CPSF2: variants seen among roughly 807,000 people sequenced by gnomAD.
The protein encoded by CPSF2 is cleavage and polyadenylation specific factor 2, also known as cleavage and polyadenylation specificity factor subunit 2.
In CPSF2, 51 loss-of-function variants were observed where a neutral mutation model predicts 84.2. The ratio of observed to expected loss-of-function variants is 0.61; its 90% CI spans 0.48 to 0.77. CPSF2 has a LOEUF of 0.77. CPSF2 is among the 30% of genes least tolerant of loss of function. The pLI is 0.00. For missense variants in CPSF2, 641 were observed against 929.4 expected (o/e 0.69, Z 4.03); for synonymous variants, 286 against 311.9 (o/e 0.92, Z 0.87).
At position 92,141,948 on chromosome 14, in the gene CPSF2, T is replaced by C. The variant is rs1311327468; in HGVS notation, c.662-216T>C. Among the ~76,000 whole-genome samples the C allele has an allele frequency of 5.3e-5, 8 of 152,130 alleles. 1 individual carries two copies. The highest frequency in any genetic ancestry group is 1.9e-4 in the African/African-American group (8 of 41,398). On this transcript the variant is annotated intron_variant, in intron 7 of 15. Transcript: ENST00000298875. ...TTATAATTTTTTAATGAAGAAAGAT[T>C]GAGAGTTAATGACACTGAATATATG... is the stretch of plus-strand genomic sequence containing the variant.
Position 92,121,969 on chromosome 14 carries a change from G to A in CPSF2, c.-253G>A, listed in dbSNP as rs1325959022. The A allele has an allele frequency of 2.6e-5, 21 of 807,488 alleles. No homozygotes were observed. In the East Asian group the frequency reaches 5.1e-4, roughly 19 times the overall value. The allele number at this position is 807,488 out of a possible 1,614,324, so 50.0% of individuals were successfully genotyped here. A position where few individuals can be genotyped will look rare whatever the true frequency, so the allele number is the denominator to read the frequency against. On this transcript the variant is annotated 5_prime_UTR_variant, in exon 1 of 16. Transcript: ENST00000298875. ...GCCCTGGTTCCTCCTCGTCTCCGCCGCTAGTCTCCAGCTCCAAAATGGCGG... is the reference window on the plus strand; with the variant it reads ...GCCCTGGTTCCTCCTCGTCTCCGCCACTAGTCTCCAGCTCCAAAATGGCGG...
At chr14:92,138,067 A>T (rs968837315) in intron 6 of CPSF2, among the ~76,000 whole-genome samples, 165 bp from the exon 7 acceptor site, 1 of 152,208 alleles carries the variant, frequency 6.6e-6, no homozygotes, top group Non-Finnish European at 1.5e-5. Context: ...TTTCTTCTTT[A>T]TACTTTTTTG....
chr14:92,159,291 A>G lies in CPSF2; in HGVS notation c.2121+9A>G, dbSNP rs2069336596. On this transcript the variant is annotated intron_variant, in intron 14 of 15. Coordinates refer to ENST00000298875, the MANE Select transcript of CPSF2 (RefSeq NM_017437.3). The stretch of plus-strand genomic sequence containing the variant: ...CCTTGCCACCTCATGAGGTAAAAAA[A>G]GCATGTGCTTTTTTGATTTCTTCCT... 6.4e-7 allele frequency: 1 copy of G among 1,560,402 alleles called. No homozygotes were observed. Among genetic ancestry groups the G allele is most frequent in the East Asian group, 2.3e-5 (1 of 44,252 alleles).
chr14:92,145,637 A>C (rs2141469182), intron 9 of CPSF2, among the ~76,000 whole-genome samples: 1 of 152,338 alleles, frequency 6.6e-6, no homozygotes, highest in East Asian at 1.9e-4. Context: ...AAGAACTAAG[A>C]AATACTTGAA....
chr14:92,148,495 TG>T (rs1298048224), intron 9 of CPSF2, among the ~76,000 whole-genome samples: 1 of 152,194 alleles, frequency 6.6e-6, no homozygotes, highest in Admixed American at 6.6e-5. Flanking sequence ...ATGACCACAA[TG>T]TCCTTTATAA....
At chr14:92,147,238 G>A (rs1366399456) in intron 9 of CPSF2, among the ~76,000 whole-genome samples, 1 of 152,132 alleles carries the variant, frequency 6.6e-6, no homozygotes, top group Non-Finnish European at 1.5e-5. Flanking sequence ...GAATAAACTA[G>A]ATTTCTGATT....
Position 92,157,993 on chromosome 14 carries a change from C to T in CPSF2, c.1821+109C>T. ...TGTGTGAGACAGACATGGATGGTCT[C>T]CTGCCCTAGCAGACCTCATAGGGTA... On this transcript the variant is annotated intron_variant, in intron 13 of 15. Transcript: ENST00000298875. This position sits in a 1 kb window ranked among gnomAD's most constrained non-coding sequence, Gnocchi z 4.0. The T allele has an allele frequency of 5.4e-6, 4 of 744,268 alleles. No individual in the cohort carries two copies. Among genetic ancestry groups the T allele is most frequent in the East Asian group, 2.6e-5 (1 of 38,192 alleles). The allele number at this position is 744,268 out of a possible 1,614,324, so 46.1% of individuals were successfully genotyped here. A position where few individuals can be genotyped will look rare whatever the true frequency, so the allele number is the denominator to read the frequency against.
At chr14:92,132,134 T>C (rs535925348) in intron 3 of CPSF2, among the ~76,000 whole-genome samples, 1 of 152,122 alleles carries the variant, frequency 6.6e-6, no homozygotes, top group Non-Finnish European at 1.5e-5. Context: ...TTCTTCTCTT[T>C]TATTATTATT....
At chr14:92,126,332 C>T (rs1347038947) in intron 2 of CPSF2, among the ~76,000 whole-genome samples, 152 bp downstream of exon 2, 6 of 152,162 alleles carry the variant, frequency 3.9e-5, no homozygotes, top group Non-Finnish European at 8.8e-5. Flanking sequence ...CATGTTACTT[C>T]ATAATCTAAA....
intron 11 of CPSF2, 31 bp downstream of exon 11, chr14:92,155,354 A>T (rs1567025365): frequency 1.0e-5 from 16 of 1,533,818 alleles, no homozygotes; most frequent in Non-Finnish European, 1.4e-5. Context: ...TTTCTCTCTT[A>T]CAAATTGGAG....
chr14:92,158,284 A>G (rs2069319481), intron 13 of CPSF2, among the ~76,000 whole-genome samples: 1 of 152,224 alleles, frequency 6.6e-6, no homozygotes, highest in Non-Finnish European at 1.5e-5. Context: ...TTAAGAATTC[A>G]AAAGTTTTAG....
intron 3 of CPSF2, among the ~76,000 whole-genome samples, chr14:92,133,195 G>A (rs151148120): frequency 6.3e-4 from 95 of 151,924 alleles, no homozygotes; most frequent in Non-Finnish European, 1.1e-3. Context: ...CGAGGTGGGC[G>A]GATCACCTGA....
chr14:92,123,380 A>G (rs1471725323), intron 1 of CPSF2, among the ~76,000 whole-genome samples: 2 of 150,842 alleles, frequency 1.3e-5, no homozygotes. Context: ...CTGGGATTAC[A>G]GGCGTGAGCC....
At chr14:92,136,029 A>G (rs2068994346) in intron 6 of CPSF2, among the ~76,000 whole-genome samples, 1 of 152,334 alleles carries the variant, frequency 6.6e-6, no homozygotes, top group Middle Eastern at 3.4e-3. Flanking sequence ...GTTGCCTTGC[A>G]CATAATGTAA....
At position 92,162,047 on chromosome 14, in the gene CPSF2, A is replaced by G. The variant is rs778211334; in HGVS notation, c.*303A>G. 4 of 189,562 alleles carry G rather than the reference A, an allele frequency of 2.1e-5. No homozygotes were observed. Among genetic ancestry groups the G allele is most frequent in the Non-Finnish European group, 2.1e-5 (2 of 93,054 alleles). 11.7% of individuals were successfully genotyped at this position (189,562 alleles called of 1,614,324 possible). A position where few individuals can be genotyped will look rare whatever the true frequency, so the allele number is the denominator to read the frequency against. ...AAGGGCTTTTTACTTGAATAAAACA[A>G]TGCAACTTAGCAAACCAATTTATGG... is the stretch of plus-strand genomic sequence containing the variant. On this transcript the variant is annotated 3_prime_UTR_variant, in exon 16 of 16. Coordinates refer to ENST00000298875, the MANE Select transcript of CPSF2 (RefSeq NM_017437.3).
Position 92,161,665 on chromosome 14 carries a change from G to T in CPSF2, c.2270G>T (p.Arg757Leu). The change falls in exon 16 of 16, where the codon CGC becomes CTC. Residue 757 changes from arginine (R) to leucine (L), a missense_variant. This residue lies in a region of CPSF2 where 430 missense variants were observed against 553.6 expected (regional missense o/e 0.78). Transcript: ENST00000298875. The part of the protein sequence containing the change: ...QVAVRRTETG[R>L]IGLEGCLCQD... The stretch of plus-strand genomic sequence containing the variant: ...TTTGGTTTCTAGACGGAAACTGGAC[G>T]CATTGGATTAGAAGGCTGCCTTTGT... 1 of 1,584,760 alleles carries T rather than the reference G, an allele frequency of 6.3e-7. No homozygotes were observed. Among genetic ancestry groups the T allele is most frequent in the Non-Finnish European group, 8.5e-7 (1 of 1,171,334 alleles).
chr14:92,137,380 T>G (rs995473843), intron 6 of CPSF2, among the ~76,000 whole-genome samples: 1 of 152,172 alleles, frequency 6.6e-6, no homozygotes, highest in African/African-American at 2.4e-5. Context: ...TGGCTATTTT[T>G]GTAATTTTAG....
chr14:92,157,455 G>A lies in CPSF2; in HGVS notation c.1596-204G>A, dbSNP rs1044215212. Among the ~76,000 whole-genome samples the A allele has an allele frequency of 1.2e-4, 19 of 152,062 alleles. No homozygotes were observed. Among genetic ancestry groups the A allele is most frequent in the African/African-American group, 4.6e-4 (19 of 41,404 alleles). ...CTGGGAGGTAGAGGTTGCAATGAGC[G>A]AAGATCATGCTACTGCACTCTAGCC... On this transcript the variant is annotated intron_variant, in intron 12 of 15. Transcript: ENST00000298875. This position sits in a 1 kb window ranked among gnomAD's most constrained non-coding sequence, Gnocchi z 4.0.
rs2068999965 is a variant in CPSF2 at position 92,136,443 on chromosome 14, T to C, written c.545+947T>C. ...AAAATTGGCAAACTGACAAACTGTG[T>C]CTGCCACCCAGAAGGAATGCTGAGG... On this transcript the variant is annotated intron_variant, in intron 6 of 15. Transcript: ENST00000298875. Among the ~76,000 whole-genome samples, 5 of 152,316 alleles carry C rather than the reference T, an allele frequency of 3.3e-5. No individual in the cohort carries two copies. In the South Asian group the frequency reaches 1.0e-3, roughly 32 times the overall value.
Sources: gnomAD v4.1 joint callset for allele counts (sites outside exome capture counted in the v4.1 genomes callset) on GRCh38, gnomAD v4.1.1 for gene constraint, gnomAD v4.1.1 regional missense constraint, Gnocchi (gnomAD v3.1) non-coding constraint, MANE v1.5 for transcripts, NCBI Gene and HGNC (gene_info 2026-07-23, HGNC 2026-07-21) for gene names.